The following DCHS2 variants were observed in gnomAD, a reference collection of about 807,000 sequenced individuals.
DCHS2 encodes the protein dachsous cadherin-related 2.
In DCHS2, 142 loss-of-function variants were observed where a neutral mutation model predicts 182.4. That is an observed-to-expected ratio of 0.78 (90% confidence interval 0.68 to 0.89). DCHS2 has a LOEUF of 0.89. DCHS2 is among the 40% of genes least tolerant of loss of function. The pLI is 0.00. For synonymous variants in DCHS2, 1,740 were observed against 1,663.3 expected (o/e 1.05, Z -1.12); for missense variants, 4,319 against 4,198.6 (o/e 1.03, Z -0.79).
chr4:154,449,911 G>A (rs906467976), intron 1 of DCHS2, among the ~76,000 whole-genome samples: 12 of 152,094 alleles, frequency 7.9e-5, no homozygotes, highest in Non-Finnish European at 1.3e-4. Flanking sequence ...AAATCTTAAC[G>A]TGAGCATCAC....
At chr4:154,479,700 T>A (rs6828767) in intron 1 of DCHS2, among the ~76,000 whole-genome samples, 28,141 of 152,192 alleles carry the variant, frequency 0.18, 3,085 homozygotes, top group Non-Finnish European at 0.26. Context: ...TAAATTCATG[T>A]TGTGGTATTA....
chr4:154,234,461 G>T lies in DCHS2; in HGVS notation c.*75C>A, dbSNP rs552887175. On this transcript the variant is annotated 3_prime_UTR_variant, in exon 20 of 20. Transcript: ENST00000357232. ...TTTAGATAAAAATGAGCCCAATCTC[G>T]AGTTGCTGGCTTGAAAACATTTTGT... is the stretch of plus-strand genomic sequence containing the variant. 1.4e-6 allele frequency: 2 copies of T among 1,435,948 alleles called. No homozygotes were observed. Among genetic ancestry groups the T allele is most frequent in the South Asian group, 1.6e-5 (1 of 60,836 alleles). The allele number at this position is 1,435,948 out of a possible 1,614,324, so 89.0% of individuals were successfully genotyped here. A position where few individuals can be genotyped will look rare whatever the true frequency, so the allele number is the denominator to read the frequency against.
intron 12 of DCHS2, among the ~76,000 whole-genome samples, chr4:154,301,384 C>T (rs191149245): frequency 1.1e-3 from 168 of 152,324 alleles, no homozygotes; most frequent in African/African-American, 3.8e-3. Context: ...TGTAACAATA[C>T]TTCCATTTTT....
rs1554013192 is a variant in DCHS2 at position 154,389,516 on chromosome 4, T to TTATACATATATATATA, written c.2053-12073_2053-12072insTATATATATATGTATA. Among the ~76,000 whole-genome samples the TTATACATATATATATA allele has an allele frequency of 4.1e-4, 46 of 111,130 alleles. 2 individuals are homozygous for TTATACATATATATATA. The highest frequency in any genetic ancestry group is 7.8e-4 in the Non-Finnish European group (39 of 49,896). 72.9% of individuals were successfully genotyped at this position (111,130 alleles called of 152,430 possible). ...TATGTTCTATTCCTAAAGACAAAGG[T>TTATACATATATATATA]TATATATATATATATATATAACCTT... On this transcript the variant is annotated intron_variant, in intron 1 of 19. Transcript: ENST00000357232.
intron 1 of DCHS2, among the ~76,000 whole-genome samples, chr4:154,388,709 T>C (rs1731532896): frequency 6.6e-6 from 1 of 152,056 alleles, no homozygotes; most frequent in South Asian, 2.1e-4. Flanking sequence ...TTAGCCAGGA[T>C]GGTCTCGATC....
intron 12 of DCHS2, among the ~76,000 whole-genome samples, chr4:154,303,683 G>A (rs1010919311): frequency 6.6e-6 from 1 of 152,142 alleles, no homozygotes; most frequent in African/African-American, 2.4e-5. Flanking sequence ...GAGGAACAAG[G>A]TTAGTAGGTG....
In DCHS2 at chr4:154,304,850, T is replaced by G. The variant is rs1370289135; in HGVS notation, c.5424A>C (p.Ser1808=). The G allele has an allele frequency of 6.2e-7, 1 of 1,613,046 alleles. No homozygotes were observed. The highest frequency in any genetic ancestry group is 8.5e-7 in the Non-Finnish European group (1 of 1,179,564). The stretch of plus-strand genomic sequence containing the variant: ...AGAGGATTGTTGTGGTGCTGGACAA[T>G]GAAGGGAATCCCCCATCTCGTACTA... The part of the protein sequence containing the change: ...RVLVRDGGFP[S]LSSTTTILCT... The change falls in exon 12 of 20, where the codon TCA becomes TCC. Residue 1808 remains serine (S), a synonymous_variant. Transcript: ENST00000357232.
intron 13 of DCHS2, 26 bp from the exon 14 acceptor site, chr4:154,270,039 C>G (rs765504930): frequency 6.3e-7 from 1 of 1,580,038 alleles, no homozygotes; most frequent in East Asian, 2.3e-5. Flanking sequence ...AAAAAAAGAA[C>G]TCCATTAGGA....
intron 3 of DCHS2, chr4:154,355,476 T>C (rs988806914): frequency 2.0e-5 from 3 of 152,212 alleles, no homozygotes; most frequent in Non-Finnish European, 4.4e-5. Flanking sequence ...GTTTGGCATA[T>C]AATCAAGAAA....
chr4:154,334,830 T>C, intron 4 of DCHS2, 38 bp downstream of exon 4: 1 of 1,491,936 alleles, frequency 6.7e-7, no homozygotes, highest in Non-Finnish European at 9.3e-7. Context: ...AATGTTCCAA[T>C]AATGGAATTC....
At chr4:154,312,936 A>T (rs1169772832) in intron 10 of DCHS2, among the ~76,000 whole-genome samples, 2 of 152,228 alleles carry the variant, frequency 1.3e-5, no homozygotes. Context: ...TGATGAAATA[A>T]GGTGTTTCTC....
chr4:154,480,643 T>G (rs1465896737), intron 1 of DCHS2, among the ~76,000 whole-genome samples: 3 of 152,214 alleles, frequency 2.0e-5, no homozygotes, highest in African/African-American at 2.4e-5. Context: ...CAAATTACTG[T>G]AGTCATTTAA....
intron 1 of DCHS2, among the ~76,000 whole-genome samples, chr4:154,439,321 G>T (rs1733903094): frequency 1.3e-5 from 2 of 152,124 alleles, no homozygotes; most frequent in African/African-American, 4.8e-5. Context: ...CTATCAAATT[G>T]CCCTGAAAGA....
At chr4:154,428,408 A>G (rs6849849) in intron 1 of DCHS2, among the ~76,000 whole-genome samples, 121,785 of 151,868 alleles carry the variant, frequency 0.8, 52,414 homozygotes, top group Non-Finnish European at 0.95. Flanking sequence ...GCGTGGTGGT[A>G]TGTGCCTGTG....
At chr4:154,296,456 C>T (rs186609020) in intron 13 of DCHS2, among the ~76,000 whole-genome samples, 117 of 152,140 alleles carry the variant, frequency 7.7e-4, no homozygotes, top group African/African-American at 2.6e-3. Flanking sequence ...CCTCTTCCTA[C>T]GATTAAGTGA....
chr4:154,338,872 A>G (rs957969061), intron 3 of DCHS2, among the ~76,000 whole-genome samples: 2 of 152,232 alleles, frequency 1.3e-5, no homozygotes, highest in Non-Finnish European at 2.9e-5. Flanking sequence ...AAATAATGTC[A>G]ATACTACAAG....
intron 16 of DCHS2, among the ~76,000 whole-genome samples, chr4:154,250,005 T>G (rs1044971460): frequency 6.6e-6 from 1 of 151,994 alleles, no homozygotes; most frequent in Non-Finnish European, 1.5e-5. Flanking sequence ...GTAACTAAAA[T>G]AAAATTTGAA....
chr4:154,349,328 T>C (rs1468071337), intron 3 of DCHS2, among the ~76,000 whole-genome samples: 3 of 152,178 alleles, frequency 2.0e-5, no homozygotes, highest in African/African-American at 7.2e-5. Context: ...CTATTTATTA[T>C]CCCTCTCTCT....
intron 1 of DCHS2, among the ~76,000 whole-genome samples, chr4:154,426,671 T>A (rs1733340173): frequency 6.6e-6 from 1 of 152,152 alleles, no homozygotes; most frequent in Non-Finnish European, 1.5e-5. Flanking sequence ...CGATGGCTCA[T>A]GCCTGTAATC....
Sources: gnomAD v4.1 joint callset for allele counts (sites outside exome capture counted in the v4.1 genomes callset) on GRCh38, gnomAD v4.1.1 for gene constraint, MANE v1.5 for transcripts, NCBI Gene and HGNC (gene_info 2026-07-23, HGNC 2026-07-21) for gene names.